Variants in FBXL17 observed in about 807,000 individuals in gnomAD.
FBXL17 encodes F-box and leucine rich repeat protein 17, also known as F-box/LRR-repeat protein 17.
FBXL17 carries 22 observed loss-of-function variants against 66.2 expected under a neutral mutation model. That is an observed-to-expected ratio of 0.33 (90% CI 0.24 to 0.47). FBXL17 has a LOEUF of 0.47. Ranked by LOEUF, FBXL17 falls within the 20% of genes least tolerant of loss-of-function variation. The pLI is 1.00. For missense variants in FBXL17, 878 were observed against 948.2 expected, an observed-to-expected ratio of 0.93 and a Z score of 0.97; for synonymous variants, 474 against 400.5, an observed-to-expected ratio of 1.18 and a Z score of -2.19.
At chr5:108,093,295 A>C (rs1435565974) in intron 6 of FBXL17, among the ~76,000 whole-genome samples, 2 of 151,110 alleles carry the variant, frequency 1.3e-5, no homozygotes, top group African/African-American at 4.9e-5. Context: ...AAAAAAAAAG[A>C]GTAGTTTGTT....
At chr5:107,991,325 T>C (rs1240039866) in intron 7 of FBXL17, among the ~76,000 whole-genome samples, 1 of 152,198 alleles carries the variant, frequency 6.6e-6, no homozygotes, top group Admixed American at 6.5e-5. Flanking sequence ...AGAGCTGCTT[T>C]AGTTCCCTAG....
intron 6 of FBXL17, among the ~76,000 whole-genome samples, chr5:108,080,742 A>G (rs962451889): frequency 1.6e-4 from 25 of 152,308 alleles, no homozygotes; most frequent in African/African-American, 5.8e-4. Flanking sequence ...CTGATTGGCA[A>G]TTGGTTGAAG....
intron 7 of FBXL17, among the ~76,000 whole-genome samples, chr5:107,999,537 T>G (rs1246423289): frequency 6.7e-6 from 1 of 150,272 alleles, no homozygotes; most frequent in Non-Finnish European, 1.5e-5. Context: ...AGCAGTCTCA[T>G]GCTGTATGCC....
intron 4 of FBXL17, among the ~76,000 whole-genome samples, chr5:108,227,033 C>A (rs1273856647): frequency 6.6e-6 from 1 of 152,124 alleles, no homozygotes; most frequent in Non-Finnish European, 1.5e-5. Flanking sequence ...TAAGCCAATT[C>A]CTTACAACAA....
chr5:108,290,305 G>A (rs1476528220), intron 4 of FBXL17, among the ~76,000 whole-genome samples: 1 of 152,148 alleles, frequency 6.6e-6, no homozygotes, highest in African/African-American at 2.4e-5. Flanking sequence ...GTTCAGGTTG[G>A]CTGGCATGTC....
intron 6 of FBXL17, among the ~76,000 whole-genome samples, chr5:108,157,531 T>C (rs533605593): frequency 6.6e-6 from 1 of 151,616 alleles, no homozygotes; most frequent in African/African-American, 2.4e-5. Context: ...CGAACAGTTT[T>C]AGAAACAGTC....
intron 5 of FBXL17, among the ~76,000 whole-genome samples, chr5:108,217,861 T>C (rs1292715351): frequency 6.6e-6 from 1 of 152,246 alleles, no homozygotes; most frequent in East Asian, 1.9e-4. Flanking sequence ...TGTAAGAAGA[T>C]CATGCAGTAT....
intron 7 of FBXL17, among the ~76,000 whole-genome samples, chr5:107,912,824 A>T (rs551308691): frequency 1.6e-3 from 248 of 152,278 alleles, no homozygotes; most frequent in Non-Finnish European, 3.1e-3. Context: ...AATAATAAGG[A>T]AAGTGCACAA....
At chr5:108,295,772 G>A (rs111927551) in intron 4 of FBXL17, among the ~76,000 whole-genome samples, 11 of 151,930 alleles carry the variant, frequency 7.2e-5, no homozygotes, top group African/African-American at 2.6e-4. Context: ...CTGTGCCTCA[G>A]GTCTCAAAAG....
chr5:108,369,267 A>G (rs1251581379), intron 1 of FBXL17, among the ~76,000 whole-genome samples: 5 of 152,200 alleles, frequency 3.3e-5, no homozygotes, highest in Non-Finnish European at 5.9e-5. Context: ...GCAACCTTTT[A>G]TCTTTTACCT....
At chr5:107,969,769 C>T (rs1752298494) in intron 7 of FBXL17, among the ~76,000 whole-genome samples, 1 of 152,082 alleles carries the variant, frequency 6.6e-6, no homozygotes, top group Non-Finnish European at 1.5e-5. Context: ...CTAAAGCATA[C>T]TAGAGAACCT....
At chr5:108,300,705 CTCAT>C (rs1758549844) in intron 4 of FBXL17, among the ~76,000 whole-genome samples, 1 of 151,500 alleles carries the variant, frequency 6.6e-6, no homozygotes, top group Admixed American at 6.6e-5. Flanking sequence ...CTTAGCTTTT[CTCAT>C]TCACCCACAA....
At chr5:107,865,121 C>T (rs1321198369) in intron 8 of FBXL17, among the ~76,000 whole-genome samples, 1 of 152,164 alleles carries the variant, frequency 6.6e-6, no homozygotes, top group African/African-American at 2.4e-5. Context: ...AAGAATGGAG[C>T]AGAGAAAACA....
At chr5:108,144,857 T>C (rs1480426310) in intron 6 of FBXL17, among the ~76,000 whole-genome samples, 1 of 152,168 alleles carries the variant, frequency 6.6e-6, no homozygotes, top group Non-Finnish European at 1.5e-5. Flanking sequence ...TGAATCTCCA[T>C]ATAAATTGAA....
At chr5:107,890,375 T>C (rs1392072546) in intron 7 of FBXL17, among the ~76,000 whole-genome samples, 1 of 150,636 alleles carries the variant, frequency 6.6e-6, no homozygotes, top group Non-Finnish European at 1.5e-5. Context: ...AAAAAAACTG[T>C]CTGAAGCTGG....
At chr5:107,990,356 A>C (rs570385751) in intron 7 of FBXL17, among the ~76,000 whole-genome samples, 1 of 152,320 alleles carries the variant, frequency 6.6e-6, no homozygotes, top group African/African-American at 2.4e-5. Flanking sequence ...TGTTTTTAAA[A>C]TTAGAGTTCT....
intron 6 of FBXL17, among the ~76,000 whole-genome samples, chr5:108,149,896 G>C (rs1224052569): frequency 6.6e-6 from 1 of 152,132 alleles, no homozygotes; most frequent in Non-Finnish European, 1.5e-5. Flanking sequence ...GAATTCTTGA[G>C]AGACTTCTGT....
chr5:108,118,898 T>C (rs977948596), intron 6 of FBXL17, among the ~76,000 whole-genome samples: 2 of 152,072 alleles, frequency 1.3e-5, no homozygotes, highest in Admixed American at 6.6e-5. Context: ...TATATTCTCT[T>C]CTCCCAAAAA....
intron 7 of FBXL17, among the ~76,000 whole-genome samples, chr5:107,914,601 G>A (rs1211728577): frequency 6.6e-6 from 1 of 152,168 alleles, no homozygotes; most frequent in African/African-American, 2.4e-5. Flanking sequence ...CATCCACTTG[G>A]CCACAGTGGT....
Sources: gnomAD v4.1 joint callset for allele counts (sites outside exome capture counted in the v4.1 genomes callset) on GRCh38, gnomAD v4.1.1 for gene constraint, MANE v1.5 for transcripts, NCBI Gene and HGNC (gene_info 2026-07-23, HGNC 2026-07-21) for gene names.